The following ADAMTSL1 variants were observed in gnomAD, a reference collection of about 807,000 sequenced individuals.
ADAMTSL1 encodes the protein ADAMTS-like protein 1.
Under a neutral mutation model 201.8 loss-of-function variants are expected in ADAMTSL1, and 126 were observed. That is an observed-to-expected ratio of 0.62 (90% confidence interval 0.54 to 0.72). ADAMTSL1 has a LOEUF of 0.72. Ranked by LOEUF, ADAMTSL1 falls within the 30% of genes least tolerant of loss-of-function variation. The pLI, the probability that ADAMTSL1 is intolerant of heterozygous loss-of-function variation, is 0.00. For synonymous variants in ADAMTSL1, 1,121 were observed against 903.4 expected (o/e 1.24, Z -4.32); for missense variants, 2,679 against 2,277.8 (o/e 1.18, Z -3.59).
chr9:18,055,737 A>C lies in ADAMTSL1; in HGVS notation c.88-108125A>C, dbSNP rs1822153720. Among the ~76,000 whole-genome samples the C allele has an allele frequency of 1.3e-5, 2 of 152,338 alleles. 1 individual carries two copies. Among genetic ancestry groups the C allele is most frequent in the South Asian group, 4.1e-4 (2 of 4,826 alleles). The stretch of plus-strand genomic sequence containing the variant: ...CTGCACATGCCTCCAGCAGTTTAGG[A>C]TATTTATGATAGAGAAGAAGAATGA... On this transcript the variant is annotated intron_variant, in intron 1 of 29. Transcript: ENST00000680146.
chr9:18,709,917 G>C (rs1296073078), intron 14 of ADAMTSL1, among the ~76,000 whole-genome samples: 1 of 152,054 alleles, frequency 6.6e-6, no homozygotes, highest in African/African-American at 2.4e-5. Context: ...TCTACTTTTT[G>C]CTTCTGTCAA....
chr9:18,357,263 T>C (rs1199114423), intron 2 of ADAMTSL1, among the ~76,000 whole-genome samples: 1 of 152,170 alleles, frequency 6.6e-6, no homozygotes, highest in Non-Finnish European at 1.5e-5. Context: ...TTTTTTCAAT[T>C]AGCTCAAAAT....
chr9:18,513,960 T>G (rs983006177), intron 2 of ADAMTSL1, among the ~76,000 whole-genome samples: 20 of 152,210 alleles, frequency 1.3e-4, no homozygotes, highest in Non-Finnish European at 4.4e-5. Flanking sequence ...TCAATATTGT[T>G]CTGAACATTC....
intron 16 of ADAMTSL1, among the ~76,000 whole-genome samples, chr9:18,756,281 CAAAAAAAAA>C (rs11326013): frequency 1.3e-4 from 9 of 68,490 alleles, no homozygotes; most frequent in South Asian, 6.0e-4. Context: ...TCTGTCTCGA[CAAAAAAAAA>C]AAAAAAAAAA....
chr9:18,070,093 T>G (rs1389802271), intron 1 of ADAMTSL1, among the ~76,000 whole-genome samples: 1 of 152,230 alleles, frequency 6.6e-6, no homozygotes, highest in Non-Finnish European at 1.5e-5. Flanking sequence ...GCTACAGGTC[T>G]ATATGAGATA....
intron 1 of ADAMTSL1, among the ~76,000 whole-genome samples, chr9:18,027,305 G>T (rs1423012725): frequency 1.3e-5 from 2 of 151,642 alleles, no homozygotes; most frequent in Non-Finnish European, 2.9e-5. Context: ...GCGCAATTTA[G>T]ATTGTTAATT....
At chr9:18,905,146 A>G (rs888512562) in intron 26 of ADAMTSL1, among the ~76,000 whole-genome samples, 2 of 152,174 alleles carry the variant, frequency 1.3e-5, no homozygotes, top group Non-Finnish European at 2.9e-5. Context: ...CATGTTGGCT[A>G]AAGGCCTGCT....
intron 1 of ADAMTSL1, among the ~76,000 whole-genome samples, chr9:18,125,529 T>A (rs1259331321): frequency 6.6e-6 from 1 of 152,196 alleles, no homozygotes; most frequent in Non-Finnish European, 1.5e-5. Context: ...TTTATACATA[T>A]GTTTTCTTCT....
At chr9:18,904,467 GA>G (rs1250415384) in intron 26 of ADAMTSL1, among the ~76,000 whole-genome samples, 1 of 132,350 alleles carries the variant, frequency 7.6e-6, no homozygotes, top group Non-Finnish European at 1.7e-5. Context: ...CTCCATCTGA[GA>G]AAAAGAAAAA....
intron 2 of ADAMTSL1, among the ~76,000 whole-genome samples, chr9:18,532,085 C>G (rs553587879): frequency 1.3e-5 from 2 of 152,258 alleles, no homozygotes; most frequent in South Asian, 2.1e-4. Flanking sequence ...TAATCATTCT[C>G]ACAGGATTTT....
At chr9:18,560,733 T>G (rs925185204) in intron 3 of ADAMTSL1, among the ~76,000 whole-genome samples, 2 of 152,074 alleles carry the variant, frequency 1.3e-5, no homozygotes, top group Non-Finnish European at 2.9e-5. Context: ...GGTTTAGTCT[T>G]GGGAGGGTGT....
chr9:18,631,025 C>T (rs10963683), intron 5 of ADAMTSL1, among the ~76,000 whole-genome samples: 20,039 of 152,100 alleles, frequency 0.13, 1,448 homozygotes, highest in Admixed American at 0.2. Flanking sequence ...GTGTAGGCAA[C>T]GGTATCTATG....
intron 2 of ADAMTSL1, among the ~76,000 whole-genome samples, chr9:18,331,232 T>G (rs954599262): frequency 2.0e-5 from 3 of 152,174 alleles, no homozygotes; most frequent in African/African-American, 7.2e-5. Flanking sequence ...AGGAAGTGTG[T>G]TGAGGTAAGC....
intron 15 of ADAMTSL1, among the ~76,000 whole-genome samples, chr9:18,737,721 A>G (rs962715170): frequency 6.6e-6 from 1 of 152,218 alleles, no homozygotes; most frequent in Non-Finnish European, 1.5e-5. Context: ...AAATTCTCCC[A>G]TTTTATCTGT....
intron 1 of ADAMTSL1, among the ~76,000 whole-genome samples, chr9:17,989,789 T>C (rs1370617265): frequency 2.0e-5 from 3 of 151,986 alleles, no homozygotes; most frequent in Admixed American, 2.0e-4. Context: ...TGTTGGACAT[T>C]GACATTTTAA....
At chr9:17,953,555 A>G (rs1827810487) in intron 1 of ADAMTSL1, among the ~76,000 whole-genome samples, 1 of 152,230 alleles carries the variant, frequency 6.6e-6, no homozygotes, top group Non-Finnish European at 1.5e-5. Flanking sequence ...AATAATAAAA[A>G]CAATCAAAAT....
At chr9:18,256,437 A>G (rs1025246387) in intron 2 of ADAMTSL1, among the ~76,000 whole-genome samples, 5 of 152,212 alleles carry the variant, frequency 3.3e-5, no homozygotes, top group Non-Finnish European at 5.9e-5. Flanking sequence ...AGTACAGTCC[A>G]ATGAACCCTG....
intron 26 of ADAMTSL1, among the ~76,000 whole-genome samples, chr9:18,902,850 G>C (rs1272350996): frequency 6.6e-6 from 1 of 150,906 alleles, no homozygotes; most frequent in African/African-American, 2.4e-5. Context: ...AAAAAAGAGA[G>C]AAGACTCGAA....
At chr9:17,931,222 C>T (rs1158450285) in intron 1 of ADAMTSL1, among the ~76,000 whole-genome samples, 1 of 152,192 alleles carries the variant, frequency 6.6e-6, no homozygotes, top group Non-Finnish European at 1.5e-5. Context: ...ATTTGCCATT[C>T]TTCCCGACTC....
Sources: allele counts gnomAD v4.1 joint callset (sites outside exome capture counted in the v4.1 genomes callset), GRCh38; gene constraint gnomAD v4.1.1; transcripts MANE v1.5; gene names NCBI Gene and HGNC (gene_info 2026-07-23, HGNC 2026-07-21).